MDM4: variants seen among roughly 807,000 people sequenced by gnomAD.
MDM4 encodes the protein protein Mdm4.
Under a neutral mutation model 60.2 loss-of-function variants are expected in MDM4, and 2 were observed. The ratio of observed to expected loss-of-function variants is 0.03; its 90% CI spans 0.01 to 0.10. The LOEUF is 0.10. Among genes scored for constraint, MDM4 ranks in the 10% least tolerant of loss-of-function variants. The probability of loss-of-function intolerance (pLI) is 1.00; values close to 1 mark genes in which losing one functional copy is unlikely to be tolerated. For synonymous variants in MDM4, 202 were observed against 198.1 expected (o/e 1.02, Z -0.17); for missense variants, 447 against 577.5 (o/e 0.77, Z 2.32).
intron 3 of MDM4, among the ~76,000 whole-genome samples, chr1:204,526,754 C>T (rs969318596): frequency 9.9e-5 from 15 of 152,068 alleles, no homozygotes; most frequent in African/African-American, 3.4e-4. Context: ...TGAGCCACCG[C>T]GCCTGGCCAA....
chr1:204,536,028 G>A (rs142576351), intron 5 of MDM4, among the ~76,000 whole-genome samples: 12,226 of 151,848 alleles, frequency 0.081, 1,371 homozygotes, highest in African/African-American at 0.25. Context: ...TTGGGAGGCC[G>A]AGGCGGGTGG....
At chr1:204,546,679 C>T in intron 9 of MDM4, 118 bp from the exon 10 acceptor site, 1 of 654,950 alleles carries the variant, frequency 1.5e-6, no homozygotes, top group South Asian at 1.9e-5. Context: ...TCCTTAAGTG[C>T]TAGAGATGGG....
At chr1:204,533,755 ATCTTTTTCTTTCTT>A (rs1273667441) in intron 5 of MDM4, among the ~76,000 whole-genome samples, 3 of 143,524 alleles carry the variant, frequency 2.1e-5, no homozygotes, top group African/African-American at 7.6e-5. Flanking sequence ...ATTCCTTTTT[ATCTTTTTCTTTCTT>A]TCTTTTCTTT....
intron 4 of MDM4, among the ~76,000 whole-genome samples, chr1:204,531,538 G>A (rs1294561070): frequency 6.6e-6 from 1 of 152,124 alleles, no homozygotes; most frequent in Non-Finnish European, 1.5e-5. Context: ...CTTACACTAA[G>A]ACTTCCCTTA....
At position 204,525,554 on chromosome 1, in the gene MDM4, A is replaced by G; in HGVS notation, c.36A>G (p.Thr12=). Residue 12 remains threonine, a synonymous_variant, in exon 2 of 11, where the codon ACA becomes ACG. Coordinates refer to ENST00000367182, the MANE Select transcript of MDM4 (RefSeq NM_002393.5). ...TTTCCACCTCTGCTCAGTGTTCAAC[A>G]TCTGACAGTGCTTGCAGGATCTCTC... ...TSFSTSAQCS[T]SDSACRISPG... is the part of the protein sequence containing the mutation. 2 of 1,612,066 alleles carry G rather than the reference A, an allele frequency of 1.2e-6. No homozygotes were observed. The highest frequency in any genetic ancestry group is 1.1e-5 in the South Asian group (1 of 90,700).
At chr1:204,545,376 A>G (rs1662559084) in intron 9 of MDM4, among the ~76,000 whole-genome samples, 1 of 152,298 alleles carries the variant, frequency 6.6e-6, no homozygotes, top group Non-Finnish European at 1.5e-5. Flanking sequence ...ACTCATGTGT[A>G]TGGTATGTAC....
intron 5 of MDM4, 180 bp downstream of exon 5, chr1:204,532,426 A>G (rs747480112): frequency 1.9e-5 from 11 of 581,578 alleles, no homozygotes; most frequent in Non-Finnish European, 3.0e-5. Context: ...AAAATCAAAC[A>G]TAGAGTAGAA....
chr1:204,532,014 A>G (rs1381379629), intron 4 of MDM4, among the ~76,000 whole-genome samples, 177 bp from the exon 5 acceptor site: 2 of 152,230 alleles, frequency 1.3e-5, no homozygotes, highest in Non-Finnish European at 2.9e-5. Context: ...CTGGGCATTA[A>G]CATCTTAATA....
chr1:204,554,609 G>A lies in MDM4; in HGVS notation c.*4927G>A. The A allele has an allele frequency of 4.4e-6, 1 of 227,048 alleles. No individual in the cohort carries two copies. Among genetic ancestry groups the A allele is most frequent in the Non-Finnish European group, 8.8e-6 (1 of 114,256 alleles). 14.1% of individuals were successfully genotyped at this position (227,048 alleles called of 1,614,324 possible). ...TGGCTGGAATTTATCAGACTTGTGA[G>A]TAAACAAGTTGAAGTTTAGCAGATG... On this transcript the variant is annotated 3_prime_UTR_variant, in exon 11 of 11. Coordinates refer to ENST00000367182, the MANE Select transcript of MDM4 (RefSeq NM_002393.5).
At chr1:204,520,841 A>C (rs1356805098) in intron 1 of MDM4, among the ~76,000 whole-genome samples, 2 of 152,136 alleles carry the variant, frequency 1.3e-5, no homozygotes, top group Non-Finnish European at 2.9e-5. Flanking sequence ...GTGCCACTGT[A>C]CTCCAGCCTG....
chr1:204,546,484 C>G (rs1039039974), intron 9 of MDM4, among the ~76,000 whole-genome samples: 1 of 152,122 alleles, frequency 6.6e-6, no homozygotes, highest in African/African-American at 2.4e-5. Flanking sequence ...ATTATAGGCA[C>G]CTGGCTGTAA....
intron 1 of MDM4, among the ~76,000 whole-genome samples, chr1:204,523,766 A>C (rs765700185): frequency 2.0e-5 from 3 of 152,094 alleles, no homozygotes. Flanking sequence ...TTTTCTCAGC[A>C]AGGCAATTTT....
At chr1:204,529,266 G>A (rs1178829845) in intron 3 of MDM4, 3 of 734,596 alleles carry the variant, frequency 4.1e-6, no homozygotes, top group Non-Finnish European at 7.5e-6. Context: ...AGTTGCAGTT[G>A]ACCAGAGCCT....
chr1:204,529,636 G>T, intron 3 of MDM4: 2 of 964,194 alleles, frequency 2.1e-6, no homozygotes, highest in Non-Finnish European at 3.0e-6. Context: ...TACCCGGAGG[G>T]GTTCCTGGCG....
In MDM4 at chr1:204,528,700, C is replaced by G. The variant is rs1281037436; in HGVS notation, c.154-1984C>G. The G allele has an allele frequency of 1.5e-5, 9 of 611,508 alleles. No individual in the cohort carries two copies. The Admixed American group carries it at 1.9e-4, about 13-fold the overall frequency. 37.9% of individuals were successfully genotyped at this position (611,508 alleles called of 1,614,324 possible). A position where few individuals can be genotyped will look rare whatever the true frequency, so the allele number is the denominator to read the frequency against. ...GTGGCTGTGATGCAGGACTCTCAAC[C>G]CTCTTTTGGAACAGTGTTGCATCAA... On this transcript the variant is annotated intron_variant, in intron 3 of 10. Transcript: ENST00000367182.
At chr1:204,539,929 T>G (rs1661860637) in intron 7 of MDM4, among the ~76,000 whole-genome samples, 1 of 152,128 alleles carries the variant, frequency 6.6e-6, no homozygotes, top group African/African-American at 2.4e-5. Context: ...TGCACGGAAT[T>G]ATTTAAAATA....
chr1:204,537,849 C>T, intron 6 of MDM4: 1 of 661,020 alleles, frequency 1.5e-6, no homozygotes, highest in Non-Finnish European at 2.9e-6. Flanking sequence ...TAAAGCTTCC[C>T]CAAACCTGGG....
At position 204,537,446 on chromosome 1, in the gene MDM4, C is replaced by T. The variant is rs772973508; in HGVS notation, c.360C>T (p.Leu120=). Residue 120 remains leucine, a synonymous_variant, in exon 6 of 11, where the codon CTC becomes CTT. Transcript: ENST00000367182. ...ATATTDAAQT[L]ALAQDHSMDI... ...GCTATCCAGATGCTGCTCAGACTCT[C>T]GCTCTCGCACAGGATCACAGTATGG... 1 of 1,613,406 alleles carries T rather than the reference C, an allele frequency of 6.2e-7. No individual in the cohort carries two copies. Among genetic ancestry groups the T allele is most frequent in the Non-Finnish European group, 8.5e-7 (1 of 1,179,320 alleles).
In MDM4 at chr1:204,525,574, T is replaced by G. The variant is rs1185480236; in HGVS notation, c.56T>G (p.Ile19Ser). The change falls in exon 2 of 11, where the codon ATC becomes AGC. Residue 19 changes from isoleucine to serine, a missense_variant. Physicochemically the swap from Ile to Ser is moderately radical, Grantham distance 142. Coordinates refer to ENST00000367182, the MANE Select transcript of MDM4 (RefSeq NM_002393.5). Reference protein sequence around the residue: ...QCSTSDSACRISPGQINQVRP... With the variant: ...QCSTSDSACRSSPGQINQVRP... ...TCAACATCTGACAGTGCTTGCAGGA[T>G]CTCTCCTGGACAAATCAATCAGGTA... 3.1e-6 allele frequency: 5 copies of G among 1,608,616 alleles called. No homozygotes were observed. The highest frequency in any genetic ancestry group is 3.4e-6 in the Non-Finnish European group (4 of 1,176,420).
Sources: allele counts gnomAD v4.1 joint callset (sites outside exome capture counted in the v4.1 genomes callset), GRCh38; gene constraint gnomAD v4.1.1; transcripts MANE v1.5; gene names NCBI Gene and HGNC (gene_info 2026-07-23, HGNC 2026-07-21).